The following DNAJC16 variants were observed in gnomAD, a reference collection of about 807,000 sequenced individuals.
The protein encoded by DNAJC16 is dnaJ homolog subfamily C member 16.
A neutral mutation model predicts 92.7 loss-of-function variants in DNAJC16; 76 were observed. The observed-to-expected ratio is 0.82, with a 90% CI of 0.68 to 0.99. The LOEUF is 0.99. DNAJC16 is among the 50% of genes least tolerant of loss of function. The pLI, the probability that DNAJC16 is intolerant of heterozygous loss-of-function variation, is 0.00. For synonymous variants in DNAJC16, 328 were observed against 358.7 expected, an observed-to-expected ratio of 0.91 and a Z score of 0.97; for missense variants, 869 against 942.4, an observed-to-expected ratio of 0.92 and a Z score of 1.02.
chr1:15,549,646 C>T (rs973749889), intron 7 of DNAJC16, among the ~76,000 whole-genome samples: 1 of 151,938 alleles, frequency 6.6e-6, no homozygotes, highest in Non-Finnish European at 1.5e-5. Context: ...AACCCCGTCT[C>T]TACTAAAAAT....
At chr1:15,559,163 C>G (rs991076591) in intron 7 of DNAJC16, among the ~76,000 whole-genome samples, 2 of 152,184 alleles carry the variant, frequency 1.3e-5, no homozygotes, top group African/African-American at 4.8e-5. Flanking sequence ...TGGTCTCAAA[C>G]TCCTGACCTC....
At position 15,564,284 on chromosome 1, in the gene DNAJC16, T is replaced by A; in HGVS notation, c.1523T>A (p.Val508Asp). 1 of 1,605,550 alleles carries A rather than the reference T, an allele frequency of 6.2e-7. No homozygotes were observed. The highest frequency in any genetic ancestry group is 1.3e-5 in the African/African-American group (1 of 74,882). ...LPDLTDELAP[V>D]FLLRWFYSAS... ...ATCATCCATTTTCTCTCTACATAGG[T>A]TTTTCTCCTTCGATGGTTCTACTCT... The change falls in exon 11 of 15, where the codon GTT (valine) becomes GAT (aspartate). Residue 508 changes from valine (V) to aspartate (D), a missense_variant and splice_region_variant. Val to Asp is a radical substitution (Grantham distance 152). Coordinates refer to ENST00000375847, the MANE Select transcript of DNAJC16 (RefSeq NM_015291.4).
At chr1:15,546,563 T>C (rs1638313707) in intron 5 of DNAJC16, among the ~76,000 whole-genome samples, 2 of 152,228 alleles carry the variant, frequency 1.3e-5, no homozygotes. Context: ...GATTTCAGTC[T>C]GTAAGAGTTC....
At chr1:15,540,453 A>G (rs1710907529) in intron 4 of DNAJC16, among the ~76,000 whole-genome samples, 1 of 152,164 alleles carries the variant, frequency 6.6e-6, no homozygotes, top group African/African-American at 2.4e-5. Context: ...TGCCCAGCTA[A>G]CTTTTTTTTA....
intron 6 of DNAJC16, 21 bp from the exon 7 acceptor site, chr1:15,548,249 C>T: frequency 6.2e-7 from 1 of 1,604,486 alleles, no homozygotes; most frequent in Non-Finnish European, 8.5e-7. Context: ...TATTTTCTTC[C>T]TCTCTATTAT....
chr1:15,528,133 C>A (rs550421000), intron 1 of DNAJC16, among the ~76,000 whole-genome samples: 1 of 152,294 alleles, frequency 6.6e-6, no homozygotes, highest in South Asian at 2.1e-4. Context: ...CTGAGGTTTC[C>A]ATTAATAATG....
At chr1:15,535,867 T>C (rs1437611946) in intron 3 of DNAJC16, among the ~76,000 whole-genome samples, 1 of 151,162 alleles carries the variant, frequency 6.6e-6, no homozygotes, top group African/African-American at 2.4e-5. Flanking sequence ...GCTCAAGCAA[T>C]CTCCCACTCA....
chr1:15,535,389 G>A (rs1169183769), intron 3 of DNAJC16, among the ~76,000 whole-genome samples: 2 of 152,212 alleles, frequency 1.3e-5, no homozygotes, highest in African/African-American at 4.8e-5. Context: ...TTTTAGTCTT[G>A]AATGTTCTTT....
rs191235823 is a variant in DNAJC16, at chr1:15,533,114, C to A, written c.168-1123C>A. Among the ~76,000 whole-genome samples, 100 of 152,280 alleles carry A rather than the reference C, an allele frequency of 6.6e-4. 2 individuals carry two copies. The highest frequency in any genetic ancestry group is 7.4e-5 in the Non-Finnish European group (5 of 68,014). ...GTCATACAAAGTCTCTTAAAGTGAA[C>A]ATTGAAAAATCAGTCCATATAAAAC... On this transcript the variant is annotated intron_variant, in intron 2 of 14. Coordinates refer to ENST00000375847, the MANE Select transcript of DNAJC16 (RefSeq NM_015291.4).
chr1:15,530,631 G>A (rs887118819), intron 2 of DNAJC16, among the ~76,000 whole-genome samples: 1 of 152,168 alleles, frequency 6.6e-6, no homozygotes, highest in Non-Finnish European at 1.5e-5. Context: ...CTAATCTCCT[G>A]GTTCTATACT....
chr1:15,546,666 A>T, intron 5 of DNAJC16, 101 bp from the exon 6 acceptor site: 1 of 903,836 alleles, frequency 1.1e-6, no homozygotes, highest in Non-Finnish European at 1.7e-6. Flanking sequence ...ATTTTTTGCA[A>T]TCTTTTACAC....
intron 9 of DNAJC16, among the ~76,000 whole-genome samples, chr1:15,562,780 C>T (rs112924766): frequency 6.6e-6 from 1 of 151,864 alleles, no homozygotes. Context: ...CTGCTCCTGG[C>T]CTAAAGCCTA....
At chr1:15,535,047 A>G (rs953840739) in intron 3 of DNAJC16, among the ~76,000 whole-genome samples, 1 of 152,258 alleles carries the variant, frequency 6.6e-6, no homozygotes, top group African/African-American at 2.4e-5. Context: ...TCTGATTTGT[A>G]TAGGGAATGC....
intron 4 of DNAJC16, among the ~76,000 whole-genome samples, 194 bp from the exon 5 acceptor site, chr1:15,544,205 T>C (rs983062077): frequency 8.7e-6 from 1 of 115,232 alleles, no homozygotes; most frequent in Non-Finnish European, 1.9e-5. Flanking sequence ...TCTTCTTACA[T>C]ATTGCCAGAT....
At chr1:15,559,760 ATTC>A in intron 8 of DNAJC16, 104 bp downstream of exon 8, 1 of 1,474,460 alleles carries the variant, frequency 6.8e-7, no homozygotes, top group Non-Finnish European at 9.2e-7. Flanking sequence ...TTGAGAACTT[ATTC>A]TTCATTTAAC....
chr1:15,567,244 G>C lies in DNAJC16; in HGVS notation c.1924G>C (p.Ala642Pro), dbSNP rs1638834175. Reference protein sequence around the residue: ...STKTSLLQKFALEVYTFTGSS... With the variant: ...STKTSLLQKFPLEVYTFTGSS... ...CAAGACCAGCCTACTACAGAAATTT[G>C]CTTTGGAGGTCTACACATTTACTGG... is the stretch of plus-strand genomic sequence containing the variant. Residue 642 changes from alanine to proline, a missense_variant, in exon 14 of 15, where the codon GCT becomes CCT. Physicochemically the swap from Ala to Pro is conservative, Grantham distance 27 (BLOSUM62 -1). Transcript: ENST00000375847. The C allele has an allele frequency of 6.2e-7, 1 of 1,613,722 alleles. No homozygotes were observed. Among genetic ancestry groups the C allele is most frequent in the Non-Finnish European group, 8.5e-7 (1 of 1,179,830 alleles).
intron 9 of DNAJC16, among the ~76,000 whole-genome samples, chr1:15,562,735 G>A (rs552480602): frequency 2.0e-5 from 3 of 151,454 alleles, no homozygotes; most frequent in African/African-American, 7.3e-5. Context: ...CAATCCTCCC[G>A]CCTCCCAAAG....
rs1435359204 is a variant in DNAJC16, at chr1:15,570,731, C to T, written c.*2554C>T. The T allele has an allele frequency of 6.6e-6, 1 of 152,106 alleles. No homozygotes were observed. Among genetic ancestry groups the T allele is most frequent in the Non-Finnish European group, 1.5e-5 (1 of 68,020 alleles). The allele number at this position is 152,106 out of a possible 1,614,324, so 9.4% of individuals were successfully genotyped here. A position where few individuals can be genotyped will look rare whatever the true frequency, so the allele number is the denominator to read the frequency against. On this transcript the variant is annotated 3_prime_UTR_variant, in exon 15 of 15. Coordinates refer to ENST00000375847, the MANE Select transcript of DNAJC16 (RefSeq NM_015291.4). ...AGCTTTTATTTTAAATTGAACTTTA[C>T]CCTTGTCCATGCAAGGCATTCCTCC... is the stretch of plus-strand genomic sequence containing the variant.
chr1:15,543,832 G>A (rs1431649504), intron 4 of DNAJC16, among the ~76,000 whole-genome samples: 1 of 152,146 alleles, frequency 6.6e-6, no homozygotes, highest in Non-Finnish European at 1.5e-5. Context: ...GATAAGAGAA[G>A]CCAAAGATGA....
Sources: allele counts gnomAD v4.1 joint callset (sites outside exome capture counted in the v4.1 genomes callset), GRCh38; gene constraint gnomAD v4.1.1; transcripts MANE v1.5; gene names NCBI Gene and HGNC (gene_info 2026-07-23, HGNC 2026-07-21).